Variants in STPG2 observed in about 807,000 individuals in gnomAD.
STPG2 encodes the protein sperm-tail PG-rich repeat-containing protein 2.
A neutral mutation model predicts 54.2 loss-of-function variants in STPG2; 56 were observed. That is an observed-to-expected ratio of 1.03 (90% CI 0.83 to 1.29). The LOEUF is 1.29. Ranked by LOEUF, STPG2 falls within the 50% of genes most tolerant of loss-of-function variation. STPG2 has a pLI of 0.00. For missense variants in STPG2, 596 were observed against 544.9 expected (o/e 1.09, Z -0.93); for synonymous variants, 200 against 181.8 (o/e 1.10, Z -0.81).
At position 98,035,083 on chromosome 4, in the gene STPG2, C is replaced by G. The variant is rs188090599; in HGVS notation, c.613-53765G>C. Among the ~76,000 whole-genome samples, 527 of 152,192 alleles carry G rather than the reference C, an allele frequency of 3.5e-3. 3 individuals are homozygous for G. Among genetic ancestry groups the G allele is most frequent in the African/African-American group, 0.012 (508 of 41,544 alleles). The stretch of plus-strand genomic sequence containing the variant: ...ACACCAAAAGCAATGGCAACAAAAT[C>G]CAAAATAGACAAATGGGATCTAATT... On this transcript the variant is annotated intron_variant, in intron 5 of 10. Transcript: ENST00000295268.
chr4:97,723,221 A>C (rs528520346), intron 9 of STPG2, among the ~76,000 whole-genome samples: 79 of 152,112 alleles, frequency 5.2e-4, no homozygotes, highest in African/African-American at 1.8e-3. Context: ...AAAATAGTTA[A>C]GCTTAGATTT....
chr4:97,854,394 A>G lies in STPG2; in HGVS notation c.1045-13462T>C, dbSNP rs970481384. On this transcript the variant is annotated intron_variant, in intron 8 of 10. Transcript: ENST00000295268. ...TTGTAAAGATTAAATGAGTTAAAATATGTATAACACAAGGCACATAGATAA... is the reference window on the plus strand; with the variant it reads ...TTGTAAAGATTAAATGAGTTAAAATGTGTATAACACAAGGCACATAGATAA... Among the ~76,000 whole-genome samples, 7 of 151,348 alleles carry G rather than the reference A, an allele frequency of 4.6e-5. No homozygotes were observed. In the East Asian group the frequency reaches 1.3e-3, roughly 29 times the overall value.
At chr4:97,551,002 C>A (rs767287685) in intron 4 of STPG2, among the ~76,000 whole-genome samples, 2 of 144,178 alleles carry the variant, frequency 1.4e-5, no homozygotes, top group African/African-American at 5.9e-5. Flanking sequence ...AAACCTTCCA[C>A]ACGTGGAAGG....
rs535918825 is a variant in STPG2 at position 97,719,306 on chromosome 4, A to C, written c.1205-6492T>G. 1.1e-4 allele frequency among the ~76,000 whole-genome samples: 16 copies of C among 152,046 alleles called. No individual in the cohort carries two copies. The South Asian group carries it at 3.3e-3, about 31-fold the overall frequency. ...ACTGGTCTCTGGCTGAACTTGTTGT[A>C]GGGCATGACACATCAGACTAAAAAA... is the stretch of plus-strand genomic sequence containing the variant. On this transcript the variant is annotated intron_variant, in intron 9 of 10. Transcript: ENST00000295268.
At chr4:98,025,095 G>A (rs1299210413) in intron 5 of STPG2, among the ~76,000 whole-genome samples, 1 of 152,094 alleles carries the variant, frequency 6.6e-6, no homozygotes. Flanking sequence ...TATTATCAAG[G>A]ATTACTTTAG....
intron 5 of STPG2, among the ~76,000 whole-genome samples, chr4:98,033,579 G>C (rs1736672235): frequency 6.6e-6 from 1 of 152,142 alleles, no homozygotes; most frequent in South Asian, 2.1e-4. Context: ...TAGAAAAAGA[G>C]GGAATCCTTC....
At chr4:98,075,421 C>T (rs1738134978) in intron 5 of STPG2, among the ~76,000 whole-genome samples, 1 of 152,198 alleles carries the variant, frequency 6.6e-6, no homozygotes, top group Non-Finnish European at 1.5e-5. Context: ...GAAGATTTTA[C>T]TAGCCTTTTA....
chr4:97,919,986 A>G (rs1460859662), intron 8 of STPG2, among the ~76,000 whole-genome samples: 1 of 152,190 alleles, frequency 6.6e-6, no homozygotes, highest in Non-Finnish European at 1.5e-5. Context: ...GAACAATTTC[A>G]GAGGAAAAGA....
At chr4:98,019,047 C>A (rs1282262150) in intron 5 of STPG2, among the ~76,000 whole-genome samples, 2 of 151,714 alleles carry the variant, frequency 1.3e-5, no homozygotes, top group Admixed American at 6.6e-5. Flanking sequence ...TCAATTTTGG[C>A]TTTTGTTGCC....
intron 5 of STPG2, among the ~76,000 whole-genome samples, chr4:97,997,298 G>A (rs1560628377): frequency 6.6e-6 from 1 of 152,130 alleles, no homozygotes; most frequent in Non-Finnish European, 1.5e-5. Flanking sequence ...CAGTTCTGCA[G>A]GCTATACAGG....
intron 10 of STPG2, among the ~76,000 whole-genome samples, chr4:97,673,112 G>T (rs547648024): frequency 5.3e-5 from 8 of 152,274 alleles, no homozygotes; most frequent in Middle Eastern, 3.4e-3. Context: ...AGAAAACCCT[G>T]ATGCAAACTG....
chr4:98,014,822 T>G (rs1360864734), intron 5 of STPG2, among the ~76,000 whole-genome samples: 1 of 152,154 alleles, frequency 6.6e-6, no homozygotes, highest in Non-Finnish European at 1.5e-5. Flanking sequence ...TAATTTTTGC[T>G]CACCTGGGAA....
At chr4:97,538,058 A>C (rs1461636258) in intron 4 of STPG2, among the ~76,000 whole-genome samples, 1 of 152,196 alleles carries the variant, frequency 6.6e-6, no homozygotes, top group African/African-American at 2.4e-5. Flanking sequence ...CACCATCATC[A>C]AAGACCAAAG....
chr4:97,450,772 T>C (rs1247501578), intron 4 of STPG2, among the ~76,000 whole-genome samples: 2 of 152,182 alleles, frequency 1.3e-5, no homozygotes, highest in Admixed American at 6.5e-5. Context: ...GAGAGGCCAT[T>C]AAAGTTTATT....
intron 5 of STPG2, among the ~76,000 whole-genome samples, chr4:98,057,948 CCAAA>C (rs1737529786): frequency 1.3e-5 from 2 of 152,242 alleles, no homozygotes; most frequent in South Asian, 2.1e-4. Flanking sequence ...TCATATCTAG[CCAAA>C]CAAAGTTTCA....
At chr4:97,659,295 A>C (rs1335753582) in intron 10 of STPG2, among the ~76,000 whole-genome samples, 2 of 152,220 alleles carry the variant, frequency 1.3e-5, no homozygotes, top group Non-Finnish European at 2.9e-5. Context: ...TGTATGTGTA[A>C]CATTTTAATC....
intron 9 of STPG2, among the ~76,000 whole-genome samples, chr4:97,742,010 TAC>T (rs1725256634): frequency 6.6e-6 from 1 of 152,044 alleles, no homozygotes; most frequent in Admixed American, 6.6e-5. Flanking sequence ...GTGGCACATA[TAC>T]ACCATGGAAT....
At chr4:97,687,107 A>C (rs1723218009) in intron 10 of STPG2, among the ~76,000 whole-genome samples, 1 of 151,428 alleles carries the variant, frequency 6.6e-6, no homozygotes, top group African/African-American at 2.4e-5. Context: ...CGCCTGGCTA[A>C]ATTTTTTTTT....
At chr4:97,883,720 GA>G (rs951799151) in intron 8 of STPG2, among the ~76,000 whole-genome samples, 22 of 151,992 alleles carry the variant, frequency 1.4e-4, no homozygotes, top group African/African-American at 3.9e-4. Context: ...ACAAGAAGAA[GA>G]AAAAAAGTTT....
Sources: allele counts gnomAD v4.1 joint callset (sites outside exome capture counted in the v4.1 genomes callset), GRCh38; gene constraint gnomAD v4.1.1; transcripts MANE v1.5; gene names NCBI Gene and HGNC (gene_info 2026-07-23, HGNC 2026-07-21).